Variants in ARL5B observed in about 807,000 individuals in gnomAD.
The protein encoded by ARL5B is ADP-ribosylation factor-like protein 5B.
Under a neutral mutation model 26.9 loss-of-function variants are expected in ARL5B, and 10 were observed. The ratio of observed to expected loss-of-function variants is 0.37; its 90% CI spans 0.23 to 0.63. ARL5B has a LOEUF of 0.63. Ranked by LOEUF, ARL5B falls within the 30% of genes least tolerant of loss-of-function variation. The pLI, the probability that ARL5B is intolerant of heterozygous loss-of-function variation, is 0.62. For synonymous variants in ARL5B, 87 were observed against 70.4 expected (o/e 1.24, Z -1.18); for missense variants, 167 against 213.9 (o/e 0.78, Z 1.37).
intron 1 of ARL5B, among the ~76,000 whole-genome samples, chr10:18,664,491 A>C (rs7922241): frequency 7.0e-6 from 1 of 143,224 alleles, no homozygotes. Context: ...AGGCTGGAGC[A>C]CAGTGACCCG....
In ARL5B at chr10:18,675,545, T is replaced by A; in HGVS notation, c.*329T>A. 4.2e-6 allele frequency: 1 copy of A among 237,844 alleles called. No homozygotes were observed. The highest frequency in any genetic ancestry group is 8.4e-6 in the Non-Finnish European group (1 of 119,244). The allele number at this position is 237,844 out of a possible 1,614,324, so 14.7% of individuals were successfully genotyped here. A position where few individuals can be genotyped will look rare whatever the true frequency, so the allele number is the denominator to read the frequency against. ...TTCTGAAATATTCTTATAACCTTAA[T>A]GACCAATTGCTTTCAATTCTTGACC... On this transcript the variant is annotated 3_prime_UTR_variant, in exon 6 of 6. Coordinates refer to ENST00000377275, the MANE Select transcript of ARL5B (RefSeq NM_178815.5).
chr10:18,663,873 G>A (rs2059848472), intron 1 of ARL5B, among the ~76,000 whole-genome samples: 1 of 151,818 alleles, frequency 6.6e-6, no homozygotes, highest in African/African-American at 2.4e-5. Context: ...CTTAACTCTG[G>A]ACTGTAAGCA....
At chr10:18,668,819 G>A (rs2059873618) in intron 3 of ARL5B, 142 bp downstream of exon 3, 3 of 841,084 alleles carry the variant, frequency 3.6e-6, no homozygotes, top group Non-Finnish European at 5.1e-6. Flanking sequence ...CGCCAGGCTA[G>A]AGTGCAGTGG....
intron 1 of ARL5B, among the ~76,000 whole-genome samples, chr10:18,665,073 C>T (rs186304273): frequency 6.6e-6 from 1 of 152,172 alleles, no homozygotes; most frequent in Non-Finnish European, 1.5e-5. Context: ...CTAGCTGTCA[C>T]CAAAATTTAG....
At chr10:18,669,147 G>C (rs2059875422) in intron 3 of ARL5B, among the ~76,000 whole-genome samples, 1 of 151,958 alleles carries the variant, frequency 6.6e-6, no homozygotes, top group South Asian at 2.1e-4. Flanking sequence ...TCATAAATGA[G>C]ACTTAAGAAT....
intron 1 of ARL5B, among the ~76,000 whole-genome samples, chr10:18,664,087 A>G (rs2059849600): frequency 6.6e-6 from 1 of 151,584 alleles, no homozygotes. Context: ...CCAAGTAACT[A>G]GGACTATAGG....
Position 18,678,729 on chromosome 10 carries a change from A to T in ARL5B, c.*3513A>T, listed in dbSNP as rs958241559. 2.0e-5 allele frequency: 3 copies of T among 151,638 alleles called. No homozygotes were observed. The highest frequency in any genetic ancestry group is 7.3e-5 in the African/African-American group (3 of 41,344). 9.4% of individuals were successfully genotyped at this position (151,638 alleles called of 1,614,324 possible). On this transcript the variant is annotated 3_prime_UTR_variant, in exon 6 of 6. Transcript: ENST00000377275. ...AAAACTTCACTCTAATTCAGTCCTAAAGGCTATTTTACATTTTGCCGGGGT... is the reference window on the plus strand; with the variant it reads ...AAAACTTCACTCTAATTCAGTCCTATAGGCTATTTTACATTTTGCCGGGGT...
chr10:18,664,089 G>T (rs1424453394), intron 1 of ARL5B, among the ~76,000 whole-genome samples: 2 of 151,966 alleles, frequency 1.3e-5, no homozygotes, highest in African/African-American at 4.8e-5. Flanking sequence ...AAGTAACTAG[G>T]ACTATAGGCA....
At chr10:18,671,122 C>T (rs2059885171) in intron 3 of ARL5B, among the ~76,000 whole-genome samples, 1 of 152,130 alleles carries the variant, frequency 6.6e-6, no homozygotes, top group South Asian at 2.1e-4. Flanking sequence ...CCGTTTATTC[C>T]CTTCTAAGCC....
At chr10:18,669,387 A>AT in intron 3 of ARL5B, among the ~76,000 whole-genome samples, 1 of 152,224 alleles carries the variant, frequency 6.6e-6, no homozygotes, top group East Asian at 1.9e-4. Flanking sequence ...TAATTTAAAA[A>AT]TTTTTTATAC....
chr10:18,666,571 G>T lies in ARL5B; in HGVS notation c.47-4G>T, dbSNP rs1254487921. 6.2e-7 allele frequency: 1 copy of T among 1,603,686 alleles called. No individual in the cohort carries two copies. The highest frequency in any genetic ancestry group is 2.2e-5 in the East Asian group (1 of 44,610). On this transcript the variant is annotated splice_region_variant and splice_polypyrimidine_tract_variant and intron_variant, in intron 1 of 5. Transcript: ENST00000377275. ...AATGTTTATGATTTGCTTTCTTTTT[G>T]TAGAACACAAAGTAATTATAGTGGG... is the stretch of plus-strand genomic sequence containing the variant.
rs1344914580 is a variant in ARL5B at position 18,679,770 on chromosome 10, G to T, written c.*4554G>T. On this transcript the variant is annotated 3_prime_UTR_variant, in exon 6 of 6. Coordinates refer to ENST00000377275, the MANE Select transcript of ARL5B (RefSeq NM_178815.5). ...AAAAACAAATTCAAAGCACTTGAAA[G>T]TAAAGACAATATCATGAGGTCGAAA... The T allele has an allele frequency of 6.6e-6, 1 of 151,912 alleles. No homozygotes were observed. The highest frequency in any genetic ancestry group is 1.5e-5 in the Non-Finnish European group (1 of 67,854). 9.4% of individuals were successfully genotyped at this position (151,912 alleles called of 1,614,324 possible).
rs1243068229 is a variant in ARL5B, at chr10:18,668,591, G to A, written c.169G>A (p.Val57Met). ...AGGAAGCAATGTTGAAGAAATAGTT[G>A]TGAAGAACACTCATTTTCTTATGTG... ...TIGSNVEEIV[V>M]KNTHFLMWDI... The change falls in exon 3 of 6, where the codon GTG (valine) becomes ATG (methionine). Residue 57 changes from valine to methionine, a missense_variant. Transcript: ENST00000377275. The A allele has an allele frequency of 1.2e-6, 2 of 1,613,964 alleles. No homozygotes were observed. The highest frequency in any genetic ancestry group is 2.2e-5 in the East Asian group (1 of 44,880).
At chr10:18,671,220 C>T (rs2059885611) in intron 3 of ARL5B, among the ~76,000 whole-genome samples, 2 of 151,950 alleles carry the variant, frequency 1.3e-5, no homozygotes. Context: ...GAGATGGAGT[C>T]TCAGTCTGTC....
At position 18,676,597 on chromosome 10, in the gene ARL5B, G is replaced by T. The variant is rs1426476876; in HGVS notation, c.*1381G>T. On this transcript the variant is annotated 3_prime_UTR_variant, in exon 6 of 6. Coordinates refer to ENST00000377275, the MANE Select transcript of ARL5B (RefSeq NM_178815.5). Reference sequence around the variant, plus strand: ...ATGTGTGATTTTGCTGAAATGAAAGGGATAAAATGAATACTTAGAGAATAA... The same window carrying T: ...ATGTGTGATTTTGCTGAAATGAAAGTGATAAAATGAATACTTAGAGAATAA... 6.6e-6 allele frequency: 1 copy of T among 151,760 alleles called. No individual in the cohort carries two copies. Among genetic ancestry groups the T allele is most frequent in the Non-Finnish European group, 1.5e-5 (1 of 67,842 alleles). 9.4% of individuals were successfully genotyped at this position (151,760 alleles called of 1,614,324 possible). A position where few individuals can be genotyped will look rare whatever the true frequency, so the allele number is the denominator to read the frequency against.
chr10:18,661,985 T>C (rs1457148200), intron 1 of ARL5B, among the ~76,000 whole-genome samples: 15 of 152,184 alleles, frequency 9.9e-5, no homozygotes, highest in African/African-American at 3.6e-4. Context: ...GACTAAGACA[T>C]TAAACTCTCT....
At chr10:18,665,603 T>C (rs1590225187) in intron 1 of ARL5B, among the ~76,000 whole-genome samples, 1 of 152,162 alleles carries the variant, frequency 6.6e-6, no homozygotes, top group African/African-American at 2.4e-5. Flanking sequence ...ATGACCAGAA[T>C]GTTGACATTC....
intron 5 of ARL5B, 43 bp from the exon 6 acceptor site, chr10:18,675,125 A>G: frequency 1.9e-6 from 3 of 1,575,106 alleles, no homozygotes; most frequent in African/African-American, 2.7e-5. Flanking sequence ...TCAGTTTTTA[A>G]GTATAAGGTT....
chr10:18,668,058 G>A (rs918443830), intron 2 of ARL5B, among the ~76,000 whole-genome samples: 21 of 151,958 alleles, frequency 1.4e-4, no homozygotes, highest in Middle Eastern at 3.2e-3. Flanking sequence ...CATCTTTTTA[G>A]GACTACTTTA....
Sources: allele counts gnomAD v4.1 joint callset (sites outside exome capture counted in the v4.1 genomes callset), GRCh38; gene constraint gnomAD v4.1.1; transcripts MANE v1.5; gene names NCBI Gene and HGNC (gene_info 2026-07-23, HGNC 2026-07-21).